C6: variants seen among roughly 807,000 people sequenced by gnomAD.
C6 encodes the protein complement component C6.
Under a neutral mutation model 112.9 loss-of-function variants are expected in C6, and 101 were observed. The ratio of observed to expected loss-of-function variants is 0.89; its 90% CI spans 0.76 to 1.06. C6 has a LOEUF of 1.06. Ranked by LOEUF, C6 falls within the 50% of genes least tolerant of loss-of-function variation. The pLI, the probability that C6 is intolerant of heterozygous loss-of-function variation, is 0.00. For synonymous variants in C6, 431 were observed against 384.1 expected (o/e 1.12, Z -1.43); for missense variants, 1,202 against 1,104.6 (o/e 1.09, Z -1.25).
At chr5:41,184,981 T>C (rs1749657690) in intron 6 of C6, among the ~76,000 whole-genome samples, 1 of 152,206 alleles carries the variant, frequency 6.6e-6, no homozygotes, top group Non-Finnish European at 1.5e-5. Flanking sequence ...ATGAAATAGA[T>C]GTTTGCTGAA....
chr5:41,186,793 A>AT (rs1407654519), intron 5 of C6, among the ~76,000 whole-genome samples: 1 of 152,084 alleles, frequency 6.6e-6, no homozygotes, highest in Non-Finnish European at 1.5e-5. Context: ...AATAACTTAT[A>AT]TTTATTACAA....
At chr5:41,180,549 T>G (rs1749246485) in intron 7 of C6, among the ~76,000 whole-genome samples, 1 of 152,082 alleles carries the variant, frequency 6.6e-6, no homozygotes, top group South Asian at 2.1e-4. Context: ...CTGGCAAGAT[T>G]AACAGGAAAA....
At chr5:41,207,303 G>A (rs558798881) in intron 1 of C6, among the ~76,000 whole-genome samples, 1 of 152,288 alleles carries the variant, frequency 6.6e-6, no homozygotes, top group South Asian at 2.1e-4. Flanking sequence ...TCAATGCTAG[G>A]AAGAAACTGC....
intron 1 of C6, among the ~76,000 whole-genome samples, chr5:41,244,491 G>A (rs530829499): frequency 6.6e-6 from 1 of 152,272 alleles, no homozygotes; most frequent in Non-Finnish European, 1.5e-5. Context: ...AGATTTCAAA[G>A]CCCATACTAA....
At chr5:41,250,668 C>T (rs2150437337) in intron 1 of C6, among the ~76,000 whole-genome samples, 1 of 152,202 alleles carries the variant, frequency 6.6e-6, no homozygotes, top group African/African-American at 2.4e-5. Flanking sequence ...CTAGCTGGGA[C>T]CTAGAATGAG....
At chr5:41,160,525 CA>C (rs1467537078) in intron 10 of C6, among the ~76,000 whole-genome samples, 158 bp from the exon 11 acceptor site, 1 of 152,140 alleles carries the variant, frequency 6.6e-6, no homozygotes, top group Non-Finnish European at 1.5e-5. Flanking sequence ...AACCAGTAGG[CA>C]AAAGCCTTCT....
chr5:41,159,243 G>A lies in C6; in HGVS notation c.1695C>T (p.Asp565=), dbSNP rs79523005. 1.9e-3 allele frequency: 2,998 copies of A among 1,612,896 alleles called. 89 individuals are homozygous for A. The East Asian group carries it at 0.057, about 31-fold the overall frequency. The change falls in exon 12 of 18, where the codon GAC becomes GAT. Residue 565 remains aspartate (D), a synonymous_variant. Transcript: ENST00000337836. ...QSPDYKSNAV[D]GQWGCWSSWS... is the part of the protein sequence containing the mutation. Reference sequence around the variant, plus strand: ...AGGAAGACCAACAACCCCACTGTCCGTCTACTGCATCTGGAACAAAGGAAG... The same window carrying A: ...AGGAAGACCAACAACCCCACTGTCCATCTACTGCATCTGGAACAAAGGAAG...
intron 1 of C6, among the ~76,000 whole-genome samples, chr5:41,209,282 C>G (rs1270825970): frequency 1.3e-5 from 2 of 152,170 alleles, no homozygotes; most frequent in African/African-American, 4.8e-5. Flanking sequence ...TGAGTAAAAA[C>G]TGGAAGCATT....
intron 9 of C6, among the ~76,000 whole-genome samples, chr5:41,164,515 T>C (rs887641449): frequency 1.3e-5 from 2 of 152,174 alleles, no homozygotes; most frequent in African/African-American, 4.8e-5. Flanking sequence ...AGTCTGGATG[T>C]AAAGCCAAGG....
intron 9 of C6, among the ~76,000 whole-genome samples, chr5:41,166,160 C>G (rs1266967963): frequency 6.6e-6 from 1 of 152,054 alleles, no homozygotes; most frequent in Non-Finnish European, 1.5e-5. Flanking sequence ...ATGGAACTCC[C>G]TTTTCACATG....
chr5:41,163,844 T>A (rs1747753180), intron 9 of C6, among the ~76,000 whole-genome samples: 1 of 152,208 alleles, frequency 6.6e-6, no homozygotes. Flanking sequence ...TGAAGTCCAA[T>A]GATTTAACTG....
At chr5:41,245,346 A>G (rs1444970951) in intron 1 of C6, among the ~76,000 whole-genome samples, 2 of 152,196 alleles carry the variant, frequency 1.3e-5, no homozygotes, top group African/African-American at 4.8e-5. Flanking sequence ...CCTGACTAAC[A>G]TGGTGAAACC....
chr5:41,220,560 A>G (rs1739101457), intron 1 of C6, among the ~76,000 whole-genome samples: 1 of 152,050 alleles, frequency 6.6e-6, no homozygotes, highest in Admixed American at 6.6e-5. Context: ...AATTATTTTA[A>G]CTGCCTATCT....
chr5:41,152,586 T>G (rs1183799742), intron 15 of C6, among the ~76,000 whole-genome samples: 1 of 152,104 alleles, frequency 6.6e-6, no homozygotes, highest in Non-Finnish European at 1.5e-5. Flanking sequence ...AATAAAGATG[T>G]AAAAAATTCC....
chr5:41,207,189 T>C (rs1164634335), intron 1 of C6, among the ~76,000 whole-genome samples: 1 of 152,194 alleles, frequency 6.6e-6, no homozygotes, highest in Non-Finnish European at 1.5e-5. Flanking sequence ...GAGATTTTTG[T>C]CACCACCAGG....
chr5:41,161,720 C>T lies in C6; in HGVS notation c.1431G>A (p.Lys477=), dbSNP rs757238357. The change falls in exon 10 of 18, where the codon AAG becomes AAA. Residue 477 remains lysine, a synonymous_variant. Transcript: ENST00000337836. ...CAAAGTCAATCACAGCAGGATTTTC[C>T]TTCACTGATTCTAACCACTCAGAAA... The part of the protein sequence containing the change: ...KTFSEWLESV[K]ENPAVIDFEL... 8.7e-6 allele frequency: 14 copies of T among 1,613,396 alleles called. No homozygotes were observed. In the Admixed American group the frequency reaches 2.0e-4, roughly 23 times the overall value.
rs568263750 is a variant in C6 at position 41,170,510 on chromosome 5, G to A, written c.1291+1715C>T. Among the ~76,000 whole-genome samples, 17 of 151,908 alleles carry A rather than the reference G, an allele frequency of 1.1e-4. No homozygotes were observed. The South Asian group carries it at 3.3e-3, about 30-fold the overall frequency. ...TACATGATAAACTGATATAGAATCTGTATTCATATTTTGGTTAATATTACC... is the reference window on the plus strand; with the variant it reads ...TACATGATAAACTGATATAGAATCTATATTCATATTTTGGTTAATATTACC... On this transcript the variant is annotated intron_variant, in intron 9 of 17. Transcript: ENST00000337836.
intron 1 of C6, among the ~76,000 whole-genome samples, chr5:41,228,834 T>C (rs1739694704): frequency 6.6e-6 from 1 of 152,226 alleles, no homozygotes; most frequent in Non-Finnish European, 1.5e-5. Context: ...AATGATTGTT[T>C]AAACATACTG....
chr5:41,234,976 T>G (rs1740165501), intron 1 of C6, among the ~76,000 whole-genome samples: 1 of 151,850 alleles, frequency 6.6e-6, no homozygotes, highest in Non-Finnish European at 1.5e-5. Flanking sequence ...TTCTATTCAC[T>G]GTGAAGATGA....
Sources: allele counts gnomAD v4.1 joint callset (sites outside exome capture counted in the v4.1 genomes callset), GRCh38; gene constraint gnomAD v4.1.1; transcripts MANE v1.5; gene names NCBI Gene and HGNC (gene_info 2026-07-23, HGNC 2026-07-21).